PALLD: variants seen among roughly 807,000 people sequenced by gnomAD.
PALLD encodes palladin, cytoskeletal associated protein.
PALLD carries 61 observed loss-of-function variants against 123.5 expected under a neutral mutation model. The observed-to-expected ratio is 0.49, with a 90% CI of 0.40 to 0.61. The LOEUF is 0.61. Among genes scored for constraint, PALLD ranks in the 20% least tolerant of loss-of-function variants. The pLI, the probability that PALLD is intolerant of heterozygous loss-of-function variation, is 0.00. For synonymous variants in PALLD, 465 were observed against 496.4 expected (o/e 0.94, Z 0.84); for missense variants, 1,273 against 1,377.0 (o/e 0.92, Z 1.20).
chr4:168,630,206 G>A (rs1775681154), intron 2 of PALLD, among the ~76,000 whole-genome samples: 1 of 152,158 alleles, frequency 6.6e-6, no homozygotes, highest in African/African-American at 2.4e-5. Flanking sequence ...CACCCAACAG[G>A]GCCACCCTGC....
At chr4:168,800,165 T>C (rs1232205749) in intron 10 of PALLD, among the ~76,000 whole-genome samples, 1 of 152,242 alleles carries the variant, frequency 6.6e-6, no homozygotes, top group African/African-American at 2.4e-5. Context: ...TTCTGTTTTA[T>C]AAGGAATTTC....
At chr4:168,801,757 C>T (rs751567408) in intron 10 of PALLD, among the ~76,000 whole-genome samples, 1 of 152,184 alleles carries the variant, frequency 6.6e-6, no homozygotes, top group African/African-American at 2.4e-5. Context: ...AACACCCCGT[C>T]GTGCTTGCAG....
intron 2 of PALLD, among the ~76,000 whole-genome samples, chr4:168,649,269 C>T (rs1011468447): frequency 1.3e-5 from 2 of 152,138 alleles, no homozygotes; most frequent in South Asian, 4.1e-4. Flanking sequence ...CTCTTTGCAT[C>T]AATAGATCTA....
At chr4:168,917,501 A>C (rs566803438) in intron 17 of PALLD, among the ~76,000 whole-genome samples, 191 of 152,286 alleles carry the variant, frequency 1.3e-3, no homozygotes, top group Non-Finnish European at 2.4e-3. Context: ...CACTGCTCTA[A>C]AATTTTTTGT....
At chr4:168,598,405 A>T in intron 2 of PALLD, 1 of 627,786 alleles carries the variant, frequency 1.6e-6, no homozygotes, top group Non-Finnish European at 3.1e-6. Flanking sequence ...CACCAAGCTG[A>T]CTTAATATTC....
At chr4:168,762,582 G>T (rs1261681772) in intron 10 of PALLD, among the ~76,000 whole-genome samples, 1 of 152,218 alleles carries the variant, frequency 6.6e-6, no homozygotes, top group Non-Finnish European at 1.5e-5. Context: ...TGGTGGGATT[G>T]TAAATTAGTT....
intron 10 of PALLD, among the ~76,000 whole-genome samples, chr4:168,795,421 A>G (rs1024128607): frequency 6.6e-6 from 1 of 152,232 alleles, no homozygotes; most frequent in Non-Finnish European, 1.5e-5. Flanking sequence ...AAGATAATTA[A>G]GTATATATAT....
intron 10 of PALLD, among the ~76,000 whole-genome samples, chr4:168,761,750 G>A (rs1732966095): frequency 6.9e-6 from 1 of 145,494 alleles, no homozygotes; most frequent in African/African-American, 2.6e-5. Flanking sequence ...GGGCTCAAGT[G>A]ATCCACTGCC....
rs546309128 is a variant in PALLD at position 168,902,879 on chromosome 4, C to A, written c.2473-878C>A. Among the ~76,000 whole-genome samples the A allele has an allele frequency of 3.9e-5, 6 of 152,298 alleles. No individual in the cohort carries two copies. In the East Asian group the frequency reaches 1.2e-3, roughly 29 times the overall value. ...CTCAACCTCCTGGGCTCAAGCAATC[C>A]TCCTGACTCAGCCTTCCAAATAGCT... is the stretch of plus-strand genomic sequence containing the variant. On this transcript the variant is annotated intron_variant, in intron 14 of 21. Transcript: ENST00000505667.
chr4:168,573,929 T>C (rs1216769132), intron 2 of PALLD, among the ~76,000 whole-genome samples: 1 of 151,718 alleles, frequency 6.6e-6, no homozygotes, highest in South Asian at 2.1e-4. Flanking sequence ...AAACAACTTC[T>C]GGGAAGCAGC....
intron 18 of PALLD, among the ~76,000 whole-genome samples, chr4:168,922,753 A>G (rs967186435): frequency 7.2e-5 from 11 of 152,228 alleles, no homozygotes; most frequent in African/African-American, 1.9e-4. Flanking sequence ...ACATGCTACA[A>G]TTGATTTCAT....
At position 168,560,530 on chromosome 4, in the gene PALLD, G is replaced by A. The variant is rs141443563; in HGVS notation, c.908+48118G>A. On this transcript the variant is annotated intron_variant, in intron 2 of 21. Coordinates refer to ENST00000505667, the MANE Select transcript of PALLD (RefSeq NM_001166108.2). Reference sequence around the variant, plus strand: ...ATTTAAATTGGAAGACGAAGAGTATGAGTATCAAGAAATTACTCTTAGTAA... The same window carrying A: ...ATTTAAATTGGAAGACGAAGAGTATAAGTATCAAGAAATTACTCTTAGTAA... Among the ~76,000 whole-genome samples, 214 of 152,310 alleles carry A rather than the reference G, an allele frequency of 1.4e-3. 1 individual carries two copies. The highest frequency in any genetic ancestry group is 4.9e-3 in the African/African-American group (204 of 41,558).
intron 2 of PALLD, among the ~76,000 whole-genome samples, chr4:168,590,585 T>G (rs915176891): frequency 2.0e-5 from 3 of 152,200 alleles, no homozygotes; most frequent in African/African-American, 7.2e-5. Flanking sequence ...TTAGTGGCTT[T>G]TAAGTAGCAG....
At chr4:168,784,606 G>A (rs1736417448) in intron 10 of PALLD, among the ~76,000 whole-genome samples, 1 of 152,180 alleles carries the variant, frequency 6.6e-6, no homozygotes, top group Non-Finnish European at 1.5e-5. Context: ...AAGGGAAGCG[G>A]GCGGGAGAAA....
At chr4:168,649,322 ATT>A (rs1777803365) in intron 2 of PALLD, among the ~76,000 whole-genome samples, 1 of 152,168 alleles carries the variant, frequency 6.6e-6, no homozygotes, top group Non-Finnish European at 1.5e-5. Flanking sequence ...AATTGCTAAC[ATT>A]TGTTTTCTTT....
At chr4:168,538,521 A>G (rs2149499618) in intron 2 of PALLD, among the ~76,000 whole-genome samples, 1 of 152,194 alleles carries the variant, frequency 6.6e-6, no homozygotes, top group East Asian at 1.9e-4. Context: ...CATTTTAGCC[A>G]TAGACCTTGT....
chr4:168,771,494 G>A (rs1050664243), intron 10 of PALLD, among the ~76,000 whole-genome samples: 7 of 152,032 alleles, frequency 4.6e-5, no homozygotes, highest in African/African-American at 7.2e-5. Flanking sequence ...GTCCCTTCCC[G>A]GAGGCATAGA....
chr4:168,822,779 A>AT (rs112374948), intron 10 of PALLD, among the ~76,000 whole-genome samples: 18 of 152,276 alleles, frequency 1.2e-4, no homozygotes, highest in South Asian at 6.2e-4. Flanking sequence ...TCAACAGCTG[A>AT]TTTTTGTCTC....
chr4:168,759,196 AAAAAAAATATATAT>A (rs1169303033), intron 10 of PALLD, among the ~76,000 whole-genome samples: 1 of 37,058 alleles, frequency 2.7e-5, no homozygotes, highest in African/African-American at 1.3e-4. Flanking sequence ...AAAAAAAAAA[AAAAAAAATATATAT>A]ATATATATAT....
Sources: gnomAD v4.1 joint callset for allele counts (sites outside exome capture counted in the v4.1 genomes callset) on GRCh38, gnomAD v4.1.1 for gene constraint, MANE v1.5 for transcripts, NCBI Gene and HGNC (gene_info 2026-07-23, HGNC 2026-07-21) for gene names.